The following SGCZ variants were observed in gnomAD, a reference collection of about 807,000 sequenced individuals.
SGCZ encodes the protein sarcoglycan zeta.
Under a neutral mutation model 41.3 loss-of-function variants are expected in SGCZ, and 40 were observed. The ratio of observed to expected loss-of-function variants is 0.97; its 90% confidence interval spans 0.75 to 1.26. SGCZ has a LOEUF of 1.26. Ranked by LOEUF, SGCZ falls within the 50% of genes most tolerant of loss-of-function variation. SGCZ has a pLI of 0.00. For missense variants in SGCZ, 552 were observed against 369.8 expected (o/e 1.49, Z -4.04); for synonymous variants, 206 against 137.5 (o/e 1.50, Z -3.49).
rs564906078 is a variant in SGCZ at position 15,134,563 on chromosome 8, C to T, written c.39+103022G>A. 4.6e-5 allele frequency among the ~76,000 whole-genome samples: 7 copies of T among 152,124 alleles called. No homozygotes were observed. In the South Asian group the frequency reaches 8.3e-4, roughly 18 times the overall value. ...CAATTTTAGGATATCACTTTAAGCG[C>T]AGAAATAACTGATCACAAACTTTGA... On this transcript the variant is annotated intron_variant, in intron 1 of 7. Transcript: ENST00000382080.
At chr8:14,133,582 C>G (rs1803105689) in intron 5 of SGCZ, among the ~76,000 whole-genome samples, 1 of 152,124 alleles carries the variant, frequency 6.6e-6, no homozygotes, top group East Asian at 1.9e-4. Context: ...CTGAAGACTG[C>G]CATAGAGCCA....
At chr8:14,583,721 G>C (rs980201287) in intron 1 of SGCZ, among the ~76,000 whole-genome samples, 1 of 151,932 alleles carries the variant, frequency 6.6e-6, no homozygotes, top group African/African-American at 2.4e-5. Context: ...TGAATAATTT[G>C]TCTTTAATAC....
chr8:14,426,170 A>G (rs1210067497), intron 2 of SGCZ, among the ~76,000 whole-genome samples: 1 of 152,144 alleles, frequency 6.6e-6, no homozygotes, highest in Non-Finnish European at 1.5e-5. Context: ...AAAATAAGCA[A>G]ATTTATCTTC....
intron 1 of SGCZ, among the ~76,000 whole-genome samples, chr8:14,675,581 C>CA (rs754183791): frequency 3.8e-4 from 57 of 151,810 alleles, no homozygotes; most frequent in Middle Eastern, 3.4e-3. Context: ...GTTAAATTAC[C>CA]AAAAAATATA....
At chr8:14,248,792 G>C (rs1391385632) in intron 3 of SGCZ, among the ~76,000 whole-genome samples, 3 of 151,524 alleles carry the variant, frequency 2.0e-5, no homozygotes, top group Admixed American at 2.0e-4. Flanking sequence ...ATTATGAGGG[G>C]TTTTAAATAT....
At chr8:14,796,981 C>A (rs181213379) in intron 1 of SGCZ, among the ~76,000 whole-genome samples, 1 of 152,192 alleles carries the variant, frequency 6.6e-6, no homozygotes, top group Non-Finnish European at 1.5e-5. Context: ...CCTCCCCAGC[C>A]GTGCTGAACC....
At chr8:14,272,526 A>G (rs1167709495) in intron 3 of SGCZ, among the ~76,000 whole-genome samples, 1 of 152,198 alleles carries the variant, frequency 6.6e-6, no homozygotes, top group Non-Finnish European at 1.5e-5. Context: ...AGCTATTAAT[A>G]TGACATGACT....
intron 2 of SGCZ, among the ~76,000 whole-genome samples, chr8:14,427,458 A>G (rs1799819189): frequency 6.6e-6 from 1 of 152,142 alleles, no homozygotes; most frequent in African/African-American, 2.4e-5. Flanking sequence ...AGACCCAAAG[A>G]TATTTTTATC....
chr8:14,626,324 G>A (rs1403023917), intron 1 of SGCZ, among the ~76,000 whole-genome samples: 1 of 151,744 alleles, frequency 6.6e-6, no homozygotes, highest in African/African-American at 2.4e-5. Context: ...CCCCTCAACA[G>A]GCTCCTGTGT....
chr8:14,733,656 A>G (rs1416501125), intron 1 of SGCZ, among the ~76,000 whole-genome samples: 1 of 152,184 alleles, frequency 6.6e-6, no homozygotes, highest in Non-Finnish European at 1.5e-5. Flanking sequence ...ACTTGTAATT[A>G]CAACTTGTTG....
intron 4 of SGCZ, among the ~76,000 whole-genome samples, chr8:14,170,276 G>T (rs1361380373): frequency 6.6e-6 from 1 of 152,028 alleles, no homozygotes; most frequent in East Asian, 1.9e-4. Flanking sequence ...GTGAGGAAAG[G>T]TACAAAAACA....
At chr8:14,182,434 G>C (rs575511336) in intron 4 of SGCZ, among the ~76,000 whole-genome samples, 43 of 152,224 alleles carry the variant, frequency 2.8e-4, no homozygotes, top group African/African-American at 8.7e-4. Flanking sequence ...AGAGACAGGA[G>C]GCAGCGAGGA....
intron 1 of SGCZ, among the ~76,000 whole-genome samples, chr8:15,031,902 C>CTCT (rs1803678803): frequency 7.6e-6 from 1 of 130,858 alleles, no homozygotes; most frequent in Non-Finnish European, 1.6e-5. Context: ...CCTCTATATT[C>CTCT]CTCTCTCTCT....
At chr8:14,668,398 A>G (rs1186123173) in intron 1 of SGCZ, among the ~76,000 whole-genome samples, 1 of 152,196 alleles carries the variant, frequency 6.6e-6, no homozygotes, top group Non-Finnish European at 1.5e-5. Context: ...GATTACTTAA[A>G]AAAATAAGAC....
At chr8:15,002,338 T>A (rs1802456250) in intron 1 of SGCZ, among the ~76,000 whole-genome samples, 1 of 152,164 alleles carries the variant, frequency 6.6e-6, no homozygotes, top group Admixed American at 6.5e-5. Context: ...ATGTATAGAA[T>A]ACAGATTGCA....
At chr8:14,614,796 G>C (rs1806041878) in intron 1 of SGCZ, among the ~76,000 whole-genome samples, 1 of 152,078 alleles carries the variant, frequency 6.6e-6, no homozygotes, top group Non-Finnish European at 1.5e-5. Context: ...TTGAAGCCCA[G>C]AGCATCTAAT....
intron 1 of SGCZ, among the ~76,000 whole-genome samples, chr8:14,604,818 A>C (rs2117322260): frequency 6.6e-6 from 1 of 152,340 alleles, no homozygotes; most frequent in Non-Finnish European, 1.5e-5. Context: ...AGTCACTGTT[A>C]GACACCACAG....
chr8:14,867,483 G>C (rs554386548), intron 1 of SGCZ, among the ~76,000 whole-genome samples: 2 of 151,892 alleles, frequency 1.3e-5, no homozygotes, highest in Admixed American at 1.3e-4. Context: ...CAGGATTGCT[G>C]GGTAGAATAG....
At chr8:14,262,332 A>C (rs570688297) in intron 3 of SGCZ, among the ~76,000 whole-genome samples, 1 of 152,278 alleles carries the variant, frequency 6.6e-6, no homozygotes, top group African/African-American at 2.4e-5. Flanking sequence ...ACGTTGTTTA[A>C]ATAATTCTGT....
Sources: allele counts gnomAD v4.1 joint callset (sites outside exome capture counted in the v4.1 genomes callset), GRCh38; gene constraint gnomAD v4.1.1; transcripts MANE v1.5; gene names NCBI Gene and HGNC (gene_info 2026-07-23, HGNC 2026-07-21).